RABEP1: variants seen among roughly 807,000 people sequenced by gnomAD.
The protein encoded by RABEP1 is rabaptin, RAB GTPase binding effector protein 1.
A neutral mutation model predicts 123.4 loss-of-function variants in RABEP1; 51 were observed. The observed-to-expected ratio is 0.41, with a 90% CI of 0.33 to 0.52. RABEP1 has a LOEUF of 0.52. RABEP1 is among the 20% of genes least tolerant of loss of function. RABEP1 has a pLI of 0.16. For synonymous variants in RABEP1, 347 were observed against 355.2 expected (o/e 0.98, Z 0.26); for missense variants, 888 against 996.3 (o/e 0.89, Z 1.46).
chr17:5,303,620 A>G (rs12952895), intron 1 of RABEP1, among the ~76,000 whole-genome samples: 10 of 152,194 alleles, frequency 6.6e-5, no homozygotes. Context: ...CTTTGATCCC[A>G]CTGGAGTTAT....
intron 12 of RABEP1, among the ~76,000 whole-genome samples, chr17:5,370,130 GACCATTTTGTTGAAATT>G (rs1422437807): frequency 1.3e-5 from 2 of 152,314 alleles, no homozygotes; most frequent in East Asian, 3.9e-4. Flanking sequence ...TCCAGTACAT[GACCATTTTGTTGAAATT>G]ACCATAAAGA....
Position 5,327,360 on chromosome 17 carries a change from A to C in RABEP1, c.164-4589A>C, listed in dbSNP as rs199774002. 5.7e-4 allele frequency among the ~76,000 whole-genome samples: 87 copies of C among 152,070 alleles called. 1 individual carries two copies. The East Asian group carries it at 0.013, about 22-fold the overall frequency. On this transcript the variant is annotated intron_variant, in intron 2 of 17. Coordinates refer to ENST00000537505, the MANE Select transcript of RABEP1 (RefSeq NM_004703.6). ...GAGATTCTGTCTCAAAAAAAAAAAA[A>C]AACCCCAAAAAACAAACAAAACCCA...
At chr17:5,321,038 A>G (rs559706664) in intron 2 of RABEP1, among the ~76,000 whole-genome samples, 1 of 152,346 alleles carries the variant, frequency 6.6e-6, no homozygotes, top group African/African-American at 2.4e-5. Flanking sequence ...GGCTGGGTGC[A>G]GTGGCTCATG....
rs749897187 is a variant in RABEP1 at position 5,383,110 on chromosome 17, TTG to T, written c.2488-10_2488-9del. On this transcript the variant is annotated splice_polypyrimidine_tract_variant and intron_variant, in intron 17 of 17. Coordinates refer to ENST00000537505, the MANE Select transcript of RABEP1 (RefSeq NM_004703.6). The stretch of plus-strand genomic sequence containing the variant: ...GGAGCCACCTGTAGTTATCTCACCA[TTG>T]TTTCTCCAGGTGCAGTTAGAGCGGA... The T allele has an allele frequency of 1.9e-6, 3 of 1,612,046 alleles. No homozygotes were observed. In the East Asian group the frequency reaches 6.7e-5, roughly 36 times the overall value.
intron 2 of RABEP1, among the ~76,000 whole-genome samples, chr17:5,315,400 G>A (rs2075285942): frequency 6.6e-6 from 1 of 152,156 alleles, no homozygotes; most frequent in Non-Finnish European, 1.5e-5. Flanking sequence ...AGACAAAGAG[G>A]ATGAATTAAG....
At chr17:5,300,224 C>T (rs947834671) in intron 1 of RABEP1, among the ~76,000 whole-genome samples, 1 of 152,104 alleles carries the variant, frequency 6.6e-6, no homozygotes, top group African/African-American at 2.4e-5. Flanking sequence ...CATTTTGTTG[C>T]CAGGCCTCCT....
chr17:5,360,963 T>TA, intron 8 of RABEP1: 1 of 483,980 alleles, frequency 2.1e-6, no homozygotes, highest in Non-Finnish European at 3.7e-6. Flanking sequence ...TACTTATCTT[T>TA]TTTTTTTTTG....
rs182939087 is a variant in RABEP1, at chr17:5,303,251, A to T, written c.35-5443A>T. ...TAATAGTTTTATTTTATTTTATTTTATTTTTTTTGAGATAGGATCTCATTC... is the reference window on the plus strand; with the variant it reads ...TAATAGTTTTATTTTATTTTATTTTTTTTTTTTTGAGATAGGATCTCATTC... On this transcript the variant is annotated intron_variant, in intron 1 of 17. Coordinates refer to ENST00000537505, the MANE Select transcript of RABEP1 (RefSeq NM_004703.6). Among the ~76,000 whole-genome samples, 479 of 151,484 alleles carry T rather than the reference A, an allele frequency of 3.2e-3. 1 individual carries two copies. Among genetic ancestry groups the T allele is most frequent in the African/African-American group, 0.011 (460 of 41,280 alleles).
At chr17:5,350,767 C>A in intron 7 of RABEP1, 138 bp downstream of exon 7, 1 of 929,282 alleles carries the variant, frequency 1.1e-6, no homozygotes, top group Non-Finnish European at 1.6e-6. Context: ...CTTTTAAAAA[C>A]ATAACAGCTA....
intron 9 of RABEP1, among the ~76,000 whole-genome samples, chr17:5,362,501 AAC>A (rs1909638707): frequency 6.6e-6 from 1 of 152,240 alleles, no homozygotes; most frequent in African/African-American, 2.4e-5. Context: ...GGTCTTATGT[AAC>A]ACATACGTGA....
At chr17:5,312,752 T>C (rs2075256867) in intron 2 of RABEP1, among the ~76,000 whole-genome samples, 1 of 152,182 alleles carries the variant, frequency 6.6e-6, no homozygotes, top group Non-Finnish European at 1.5e-5. Context: ...TAGTCTACTG[T>C]GGTAGATAAT....
chr17:5,343,290 A>G (rs942954635), intron 5 of RABEP1, among the ~76,000 whole-genome samples: 2 of 152,048 alleles, frequency 1.3e-5, no homozygotes, highest in African/African-American at 2.4e-5. Flanking sequence ...GCGGTGGCTC[A>G]TGCCTGTAAT....
At chr17:5,380,307 A>C in intron 15 of RABEP1, 57 bp from the exon 16 acceptor site, 100 of 1,104,560 alleles carry the variant, frequency 9.1e-5, no homozygotes, top group Non-Finnish European at 1.2e-4. Flanking sequence ...TCTTTTAGGT[A>C]GTGCACTGGG....
intron 1 of RABEP1, among the ~76,000 whole-genome samples, chr17:5,284,341 A>T (rs2074957009): frequency 6.6e-6 from 1 of 152,164 alleles, no homozygotes; most frequent in South Asian, 2.1e-4. Context: ...TAGTTTGCAT[A>T]GATTGCAATT....
intron 1 of RABEP1, among the ~76,000 whole-genome samples, chr17:5,305,509 T>A (rs1223724237): frequency 6.6e-6 from 1 of 152,176 alleles, no homozygotes; most frequent in South Asian, 2.1e-4. Context: ...TTCCTAATTA[T>A]AAATATATTA....
chr17:5,313,378 T>G (rs1490110324), intron 2 of RABEP1, among the ~76,000 whole-genome samples: 1 of 152,360 alleles, frequency 6.6e-6, no homozygotes, highest in East Asian at 1.9e-4. Context: ...CCTCTGTAGC[T>G]TGTTCATCCT....
intron 12 of RABEP1, among the ~76,000 whole-genome samples, chr17:5,370,192 T>C (rs1296763483): frequency 6.6e-6 from 1 of 152,206 alleles, no homozygotes; most frequent in African/African-American, 2.4e-5. Flanking sequence ...TGCTTGCCCT[T>C]GTTCTTAGTC....
chr17:5,343,742 C>T (rs1025609957), intron 5 of RABEP1, among the ~76,000 whole-genome samples: 1 of 123,508 alleles, frequency 8.1e-6, no homozygotes, highest in Non-Finnish European at 1.6e-5. Context: ...GTGGCATGAT[C>T]TTGGCTCACT....
chr17:5,282,503 C>T lies in RABEP1; in HGVS notation c.17C>T (p.Pro6Leu), dbSNP rs372030022. The T allele has an allele frequency of 2.4e-6, 3 of 1,274,990 alleles. No homozygotes were observed. Among genetic ancestry groups the T allele is most frequent in the African/African-American group, 3.1e-5 (2 of 64,698 alleles). The allele number at this position is 1,274,990 out of a possible 1,614,324, so 79.0% of individuals were successfully genotyped here. Residue 6 changes from proline (P) to leucine (L), a missense_variant, in exon 1 of 18, where the codon CCG (proline) becomes CTG (leucine). Coordinates refer to ENST00000537505, the MANE Select transcript of RABEP1 (RefSeq NM_004703.6). Reference sequence around the variant, plus strand: ...CGCCTGGTCATGGCGCAGCCGGGCCCGGCTTCCCAGCCTGACGGTGAGGCG... The same window carrying T: ...CGCCTGGTCATGGCGCAGCCGGGCCTGGCTTCCCAGCCTGACGGTGAGGCG... MAQPG[P>L]ASQPDVSLQQ...
Sources: gnomAD v4.1 joint callset for allele counts (sites outside exome capture counted in the v4.1 genomes callset) on GRCh38, gnomAD v4.1.1 for gene constraint, MANE v1.5 for transcripts, NCBI Gene and HGNC (gene_info 2026-07-23, HGNC 2026-07-21) for gene names.